WWOX: variants seen among roughly 807,000 people sequenced by gnomAD.
WWOX encodes WW domain-containing oxidoreductase.
A neutral mutation model predicts 46.2 loss-of-function variants in WWOX; 69 were observed. That is an observed-to-expected ratio of 1.49 (90% confidence interval 1.23 to 1.82). WWOX has a LOEUF of 1.82. Ranked by LOEUF, WWOX falls within the 40% of genes most tolerant of loss-of-function variation. The probability of loss-of-function intolerance (pLI) is 0.00; values close to 1 mark genes in which losing one functional copy is unlikely to be tolerated. For synonymous variants in WWOX, 359 were observed against 202.6 expected (o/e 1.77, Z -6.56); for missense variants, 919 against 542.6 (o/e 1.69, Z -6.89).
chr16:79,130,670 C>T (rs186185294), intron 8 of WWOX, among the ~76,000 whole-genome samples: 2 of 152,332 alleles, frequency 1.3e-5, no homozygotes, highest in East Asian at 3.9e-4. Flanking sequence ...CCCAGGGCAA[C>T]AAGAAACAAT....
intron 8 of WWOX, among the ~76,000 whole-genome samples, chr16:79,036,415 C>T (rs1033037163): frequency 6.6e-6 from 1 of 152,204 alleles, no homozygotes; most frequent in African/African-American, 2.4e-5. Context: ...AATTATTGCC[C>T]GTTGACCTCC....
intron 8 of WWOX, among the ~76,000 whole-genome samples, chr16:79,097,132 G>A (rs2049092490): frequency 6.6e-6 from 1 of 152,004 alleles, no homozygotes; most frequent in Non-Finnish European, 1.5e-5. Context: ...ACTCGTTATG[G>A]ACAGGAATAC....
At chr16:78,784,726 T>G (rs568011773) in intron 8 of WWOX, among the ~76,000 whole-genome samples, 1 of 152,084 alleles carries the variant, frequency 6.6e-6, no homozygotes, top group Non-Finnish European at 1.5e-5. Context: ...GGTTGATGAG[T>G]TGGGGAGCCT....
intron 8 of WWOX, among the ~76,000 whole-genome samples, chr16:78,868,633 T>C (rs1437819522): frequency 6.6e-6 from 1 of 152,184 alleles, no homozygotes; most frequent in Non-Finnish European, 1.5e-5. Flanking sequence ...TCTGTATAAT[T>C]AGACAAATTC....
At chr16:78,792,135 C>G (rs559692676) in intron 8 of WWOX, among the ~76,000 whole-genome samples, 8 of 152,238 alleles carry the variant, frequency 5.3e-5, no homozygotes, top group South Asian at 4.1e-4. Flanking sequence ...GCATCACAAA[C>G]CACCATTAGA....
intron 8 of WWOX, among the ~76,000 whole-genome samples, chr16:78,936,884 G>A (rs1426410216): frequency 1.3e-5 from 2 of 152,184 alleles, no homozygotes; most frequent in Non-Finnish European, 2.9e-5. Flanking sequence ...ATTACAGGGT[G>A]TCACCTGCTA....
In WWOX at chr16:79,163,865, A is replaced by T. The variant is rs550992695; in HGVS notation, c.1057-47743A>T. Among the ~76,000 whole-genome samples the T allele has an allele frequency of 4.1e-5, 6 of 146,064 alleles. No individual in the cohort carries two copies. In the South Asian group the frequency reaches 1.4e-3, roughly 33 times the overall value. ...GGGGAAAAGAGAGAAAGTGAAAGCA[A>T]CAGTAAGGAAGAGAATTGGAAAAAA... is the stretch of plus-strand genomic sequence containing the variant. On this transcript the variant is annotated intron_variant, in intron 8 of 8. Coordinates refer to ENST00000566780, the MANE Select transcript of WWOX (RefSeq NM_016373.4).
chr16:78,191,379 A>G (rs2035878238), intron 5 of WWOX, among the ~76,000 whole-genome samples: 1 of 152,208 alleles, frequency 6.6e-6, no homozygotes, highest in African/African-American at 2.4e-5. Flanking sequence ...TAGGTAGGAA[A>G]GGTAAAAAAA....
At chr16:78,406,348 ATATATATT>A (rs1439021229) in intron 6 of WWOX, among the ~76,000 whole-genome samples, 24 of 76,364 alleles carry the variant, frequency 3.1e-4, no homozygotes, top group Admixed American at 1.6e-3. Flanking sequence ...ATATATATAT[ATATATATT>A]TTATTATTTT....
intron 8 of WWOX, among the ~76,000 whole-genome samples, chr16:78,615,161 A>G (rs1250419202): frequency 6.6e-6 from 1 of 152,154 alleles, no homozygotes; most frequent in Admixed American, 6.5e-5. Flanking sequence ...CATTCCCATT[A>G]TTTTTTAGAG....
chr16:78,433,443 C>T (rs1317563151), intron 8 of WWOX, among the ~76,000 whole-genome samples: 6 of 152,144 alleles, frequency 3.9e-5, no homozygotes, highest in Admixed American at 1.3e-4. Context: ...ATGAAGAAAG[C>T]GTATTTTCCA....
At chr16:78,649,377 G>A (rs560081272) in intron 8 of WWOX, among the ~76,000 whole-genome samples, 1 of 152,068 alleles carries the variant, frequency 6.6e-6, no homozygotes. Context: ...TGTAGGTCCC[G>A]GGCTCAAGCG....
At chr16:78,373,598 T>C (rs1373576364) in intron 5 of WWOX, among the ~76,000 whole-genome samples, 1 of 152,164 alleles carries the variant, frequency 6.6e-6, no homozygotes, top group East Asian at 1.9e-4. Flanking sequence ...CAGCTAGTTC[T>C]ATCTGCAGTG....
intron 5 of WWOX, among the ~76,000 whole-genome samples, chr16:78,203,076 C>G (rs994132156): frequency 6.6e-6 from 1 of 152,188 alleles, no homozygotes; most frequent in African/African-American, 2.4e-5. Flanking sequence ...CCTGCCTCAG[C>G]CTATCCTTGA....
chr16:78,393,101 G>A (rs1240663480), intron 6 of WWOX, among the ~76,000 whole-genome samples: 1 of 152,108 alleles, frequency 6.6e-6, no homozygotes, highest in African/African-American at 2.4e-5. Flanking sequence ...TGCATTCCTG[G>A]AGAGGAGCCA....
At chr16:78,928,524 T>G (rs898213823) in intron 8 of WWOX, among the ~76,000 whole-genome samples, 4 of 152,166 alleles carry the variant, frequency 2.6e-5, no homozygotes, top group Non-Finnish European at 5.9e-5. Flanking sequence ...TTGTGAATAT[T>G]TTTTCCCCTT....
At chr16:78,480,854 T>G (rs1260419498) in intron 8 of WWOX, among the ~76,000 whole-genome samples, 4 of 152,212 alleles carry the variant, frequency 2.6e-5, no homozygotes, top group Non-Finnish European at 4.4e-5. Flanking sequence ...GACATCAGAT[T>G]ATGTGGTCTG....
chr16:78,765,374 T>C (rs1240954370), intron 8 of WWOX, among the ~76,000 whole-genome samples: 1 of 152,182 alleles, frequency 6.6e-6, no homozygotes, highest in Non-Finnish European at 1.5e-5. Context: ...TGAGAGGCCC[T>C]GAAATTTCCA....
intron 8 of WWOX, among the ~76,000 whole-genome samples, chr16:78,554,089 A>G (rs1302475550): frequency 1.3e-5 from 2 of 152,150 alleles, no homozygotes; most frequent in African/African-American, 4.8e-5. Context: ...GGTAATGGGT[A>G]ACAGGCTAAA....
Sources: allele counts gnomAD v4.1 joint callset (sites outside exome capture counted in the v4.1 genomes callset), GRCh38; gene constraint gnomAD v4.1.1; transcripts MANE v1.5; gene names NCBI Gene and HGNC (gene_info 2026-07-23, HGNC 2026-07-21).